Variants in RNF13 observed in about 807,000 individuals in gnomAD.
RNF13 encodes the protein ring finger protein 13.
RNF13 carries 19 observed loss-of-function variants against 37.7 expected under a neutral mutation model. The ratio of observed to expected loss-of-function variants is 0.50; its 90% confidence interval spans 0.35 to 0.74. RNF13 has a LOEUF of 0.74. RNF13 is among the 30% of genes least tolerant of loss of function. The pLI is 0.01. For synonymous variants in RNF13, 144 were observed against 157.8 expected (o/e 0.91, Z 0.65); for missense variants, 375 against 453.0 (o/e 0.83, Z 1.56).
chr3:149,919,012 A>G (rs971282018), intron 7 of RNF13, among the ~76,000 whole-genome samples: 5 of 152,016 alleles, frequency 3.3e-5, no homozygotes, highest in African/African-American at 4.8e-5. Flanking sequence ...ATTAATTTCT[A>G]TTGTTTACTT....
chr3:149,829,270 T>G (rs1720808142), intron 1 of RNF13, among the ~76,000 whole-genome samples: 1 of 152,184 alleles, frequency 6.6e-6, no homozygotes, highest in Admixed American at 6.5e-5. Context: ...CAGCTAATTT[T>G]TGTATTTTTA....
intron 1 of RNF13, among the ~76,000 whole-genome samples, chr3:149,817,091 T>G (rs1719540274): frequency 1.3e-5 from 2 of 152,062 alleles, no homozygotes; most frequent in Admixed American, 1.3e-4. Context: ...GTTCAGACGT[T>G]TGGAAATGTA....
At chr3:149,949,108 T>C (rs1272354551) in intron 8 of RNF13, among the ~76,000 whole-genome samples, 1 of 152,224 alleles carries the variant, frequency 6.6e-6, no homozygotes, top group Non-Finnish European at 1.5e-5. Context: ...TATATTTGTC[T>C]ATATATTTAA....
intron 4 of RNF13, among the ~76,000 whole-genome samples, chr3:149,873,476 A>G (rs1712325324): frequency 6.6e-6 from 1 of 152,174 alleles, no homozygotes; most frequent in Non-Finnish European, 1.5e-5. Context: ...GAGTACTTCT[A>G]AAGGAGTTTA....
At chr3:149,927,366 A>G (rs1378881733) in intron 8 of RNF13, among the ~76,000 whole-genome samples, 3 of 152,332 alleles carry the variant, frequency 2.0e-5, no homozygotes, top group African/African-American at 7.2e-5. Context: ...TTTTTACCAC[A>G]TTTTGTTTAT....
chr3:149,841,373 C>T (rs938465651), intron 1 of RNF13, among the ~76,000 whole-genome samples: 1 of 152,132 alleles, frequency 6.6e-6, no homozygotes, highest in Admixed American at 6.5e-5. Context: ...AAGTGTGGAT[C>T]TTTTTCACAG....
intron 3 of RNF13, among the ~76,000 whole-genome samples, chr3:149,868,632 T>G (rs1226964565): frequency 1.3e-5 from 2 of 151,172 alleles, no homozygotes; most frequent in East Asian, 1.9e-4. Context: ...TTTCTGTTCT[T>G]TCCTTTCTTT....
At chr3:149,921,110 C>CT in intron 7 of RNF13, 24 bp from the exon 8 acceptor site, 4 of 1,053,944 alleles carry the variant, frequency 3.8e-6, no homozygotes, top group South Asian at 2.6e-5. Flanking sequence ...TATCTGACTC[C>CT]TTTTTTTACT....
chr3:149,918,364 C>T (rs139862462), intron 7 of RNF13, among the ~76,000 whole-genome samples: 5 of 152,078 alleles, frequency 3.3e-5, no homozygotes, highest in East Asian at 3.9e-4. Flanking sequence ...TATAAGTTGC[C>T]GAGCTTGTGA....
intron 1 of RNF13, among the ~76,000 whole-genome samples, chr3:149,825,782 A>G (rs1720440551): frequency 6.6e-6 from 1 of 152,194 alleles, no homozygotes; most frequent in Admixed American, 6.5e-5. Context: ...AAACAGCTTT[A>G]CTGACTTATA....
chr3:149,956,734 T>C (rs929088129), intron 8 of RNF13, among the ~76,000 whole-genome samples: 2 of 152,218 alleles, frequency 1.3e-5, no homozygotes, highest in Non-Finnish European at 2.9e-5. Context: ...GAATCTGATT[T>C]CTTCCACAAC....
In RNF13 at chr3:149,953,135, T is replaced by C. The variant is rs552605221; in HGVS notation, c.701-6921T>C. 2.6e-3 allele frequency among the ~76,000 whole-genome samples: 398 copies of C among 152,248 alleles called. 2 individuals carry two copies. The highest frequency in any genetic ancestry group is 9.1e-3 in the African/African-American group (379 of 41,536). ...TTGGATTTTTTTTTTTTAAGCTAGA[T>C]TACCCAAAGTTAAATTTGGCCAAAG... is the stretch of plus-strand genomic sequence containing the variant. On this transcript the variant is annotated intron_variant, in intron 8 of 9. Coordinates refer to ENST00000392894, the MANE Select transcript of RNF13 (RefSeq NM_183381.3).
chr3:149,845,985 CAGTT>C, intron 1 of RNF13, 22 bp from the exon 2 acceptor site: 1 of 1,277,462 alleles, frequency 7.8e-7, no homozygotes, highest in Non-Finnish European at 1.1e-6. Context: ...CACCAGCTCT[CAGTT>C]ACTCACATCC....
chr3:149,875,094 A>G (rs911641512), intron 4 of RNF13, among the ~76,000 whole-genome samples: 2 of 152,258 alleles, frequency 1.3e-5, no homozygotes, highest in East Asian at 1.9e-4. Flanking sequence ...GAAAAATGAT[A>G]TATTTCCTTA....
chr3:149,852,499 T>C lies in RNF13; in HGVS notation c.115-17T>C. On this transcript the variant is annotated splice_polypyrimidine_tract_variant and intron_variant, in intron 2 of 9. Transcript: ENST00000392894. ...ATAAATTGGTCTTAACTTGAATATT[T>C]AAAATTTTATTTTTAGTATAACTTT... 1 of 1,354,902 alleles carries C rather than the reference T, an allele frequency of 7.4e-7. No individual in the cohort carries two copies. Among genetic ancestry groups the C allele is most frequent in the Non-Finnish European group, 1.0e-6 (1 of 983,568 alleles). The allele number at this position is 1,354,902 out of a possible 1,614,324, so 83.9% of individuals were successfully genotyped here.
intron 1 of RNF13, among the ~76,000 whole-genome samples, chr3:149,829,662 G>T (rs974812394): frequency 1.3e-5 from 2 of 152,054 alleles, no homozygotes; most frequent in African/African-American, 4.8e-5. Context: ...CCCTATTATT[G>T]TTGTTTTTGT....
intron 1 of RNF13, among the ~76,000 whole-genome samples, chr3:149,829,677 T>G (rs537900958): frequency 2.6e-5 from 4 of 152,346 alleles, no homozygotes; most frequent in South Asian, 4.1e-4. Flanking sequence ...TTTTGTTTTG[T>G]TTTGGTTTCT....
chr3:149,846,184 A>G, intron 2 of RNF13, 44 bp downstream of exon 2: 2 of 1,274,056 alleles, frequency 1.6e-6, no homozygotes, highest in Non-Finnish European at 2.2e-6. Flanking sequence ...CATCCCTTAA[A>G]GAAAAGCTTA....
At chr3:149,853,834 C>CTCTTT (rs1553754790) in intron 3 of RNF13, among the ~76,000 whole-genome samples, 1 of 115,418 alleles carries the variant, frequency 8.7e-6, no homozygotes, top group Non-Finnish European at 1.8e-5. Context: ...TAAAATTTCT[C>CTCTTT]TTTTTTTTTT....
Sources: allele counts gnomAD v4.1 joint callset (sites outside exome capture counted in the v4.1 genomes callset), GRCh38; gene constraint gnomAD v4.1.1; transcripts MANE v1.5; gene names NCBI Gene and HGNC (gene_info 2026-07-23, HGNC 2026-07-21).